Variants in GRID1 observed in about 807,000 individuals in gnomAD.
GRID1 encodes glutamate ionotropic receptor delta type subunit 1, also known as glutamate receptor ionotropic, delta-1.
A neutral mutation model predicts 98.0 loss-of-function variants in GRID1; 28 were observed. That is an observed-to-expected ratio of 0.29 (90% confidence interval 0.21 to 0.39). GRID1 has a LOEUF of 0.39. Ranked by LOEUF, GRID1 falls within the 10% of genes least tolerant of loss-of-function variation. GRID1 has a pLI of 1.00. For synonymous variants in GRID1, 553 were observed against 538.5 expected (o/e 1.03, Z -0.37); for missense variants, 1,111 against 1,340.5 (o/e 0.83, Z 2.67).
chr10:86,305,715 G>T (rs1847750815), intron 2 of GRID1, among the ~76,000 whole-genome samples: 1 of 152,182 alleles, frequency 6.6e-6, no homozygotes, highest in African/African-American at 2.4e-5. Flanking sequence ...TTCCCCTGGG[G>T]CCAGAACAGA....
chr10:85,682,327 A>C (rs954316729), intron 12 of GRID1, among the ~76,000 whole-genome samples: 1 of 152,254 alleles, frequency 6.6e-6, no homozygotes, highest in Admixed American at 6.5e-5. Flanking sequence ...ATTTGTTTGT[A>C]AGACACTTAC....
rs1002271046 is a variant in GRID1 at position 86,115,519 on chromosome 10, C to T, written c.726+23300G>A. 3.3e-5 allele frequency among the ~76,000 whole-genome samples: 5 copies of T among 152,234 alleles called. No homozygotes were observed. The South Asian group carries it at 8.3e-4, about 25-fold the overall frequency. Reference sequence around the variant, plus strand: ...TTAAGTGCTCTACATGTCCTAACTTCTTTAATCTGCCACCTACAAGGTAGG... The same window carrying T: ...TTAAGTGCTCTACATGTCCTAACTTTTTTAATCTGCCACCTACAAGGTAGG... On this transcript the variant is annotated intron_variant, in intron 4 of 15. Coordinates refer to ENST00000327946, the MANE Select transcript of GRID1 (RefSeq NM_017551.3).
intron 3 of GRID1, among the ~76,000 whole-genome samples, chr10:86,190,249 C>G (rs1020263744): frequency 1.3e-5 from 2 of 152,182 alleles, no homozygotes; most frequent in African/African-American, 4.8e-5. Flanking sequence ...TTACTGGCCT[C>G]CATGAAGTAA....
chr10:86,040,053 C>T (rs546315169), intron 4 of GRID1, among the ~76,000 whole-genome samples: 18 of 152,214 alleles, frequency 1.2e-4, no homozygotes, highest in African/African-American at 2.4e-4. Flanking sequence ...GAGTGCCTGC[C>T]GCATTTCAGG....
intron 12 of GRID1, among the ~76,000 whole-genome samples, chr10:85,698,852 T>C (rs1353727218): frequency 6.6e-6 from 1 of 152,200 alleles, no homozygotes; most frequent in Non-Finnish European, 1.5e-5. Flanking sequence ...TTAATAGGTG[T>C]GTAGTGGTAT....
intron 2 of GRID1, among the ~76,000 whole-genome samples, chr10:86,210,231 C>A (rs1482935378): frequency 6.6e-6 from 1 of 152,174 alleles, no homozygotes; most frequent in African/African-American, 2.4e-5. Flanking sequence ...TGCAGAGTGA[C>A]AAAGACATAT....
At chr10:86,043,768 C>T (rs1843381008) in intron 4 of GRID1, among the ~76,000 whole-genome samples, 2 of 152,314 alleles carry the variant, frequency 1.3e-5, no homozygotes, top group South Asian at 4.1e-4. Context: ...ATTTGTTTCC[C>T]AAATGTCAGC....
intron 8 of GRID1, among the ~76,000 whole-genome samples, chr10:85,774,899 A>C (rs1842313490): frequency 6.6e-6 from 1 of 151,520 alleles, no homozygotes; most frequent in African/African-American, 2.4e-5. Flanking sequence ...TAGTTCAACC[A>C]TTGTGGAAGT....
rs570640094 is a variant in GRID1 at position 86,200,603 on chromosome 10, C to T, written c.520+5761G>A. The stretch of plus-strand genomic sequence containing the variant: ...TTTCTGACATTCAGGTAGGAAAGGA[C>T]TTCTTAAACAAGACAAGCAAAAGAG... On this transcript the variant is annotated intron_variant, in intron 3 of 15. Coordinates refer to ENST00000327946, the MANE Select transcript of GRID1 (RefSeq NM_017551.3). 1.8e-3 allele frequency among the ~76,000 whole-genome samples: 269 copies of T among 152,280 alleles called. 1 individual carries two copies. Among genetic ancestry groups the T allele is most frequent in the Middle Eastern group, 6.8e-3 (2 of 294 alleles).
chr10:85,824,893 G>A (rs1842805319), intron 8 of GRID1, among the ~76,000 whole-genome samples: 1 of 152,118 alleles, frequency 6.6e-6, no homozygotes, highest in African/African-American at 2.4e-5. Context: ...TCTCTTTTAT[G>A]GCTCAGTAGT....
At chr10:85,604,955 C>G (rs1048930382) in intron 15 of GRID1, among the ~76,000 whole-genome samples, 1 of 152,140 alleles carries the variant, frequency 6.6e-6, no homozygotes, top group Non-Finnish European at 1.5e-5. Context: ...GGTTACCTAA[C>G]GAAGAGACAG....
In GRID1 at chr10:86,147,496, T is replaced by C. The variant is rs565667498; in HGVS notation, c.521-8472A>G. ...TGGTGCTGGTACAAAAATAGACACA[T>C]AAACCAATGGAACAGAAAAGAGGGC... On this transcript the variant is annotated intron_variant, in intron 3 of 15. Coordinates refer to ENST00000327946, the MANE Select transcript of GRID1 (RefSeq NM_017551.3). 2.0e-5 allele frequency among the ~76,000 whole-genome samples: 3 copies of C among 151,990 alleles called. No individual in the cohort carries two copies. In the South Asian group the frequency reaches 6.2e-4, roughly 32 times the overall value.
intron 3 of GRID1, among the ~76,000 whole-genome samples, chr10:86,173,885 T>C (rs1845532786): frequency 6.6e-6 from 1 of 152,088 alleles, no homozygotes; most frequent in African/African-American, 2.4e-5. Context: ...TTCATCCATG[T>C]CCCTACAAAG....
chr10:86,089,749 A>AT lies in GRID1; in HGVS notation c.726+49069dup, dbSNP rs35775469. On this transcript the variant is annotated intron_variant, in intron 4 of 15. Transcript: ENST00000327946. ...ATAAAGAAGGACCAAACAAAAAAAA[A>AT]TTTTTTTTTTTTTTGAGACGGAGTC... Among the ~76,000 whole-genome samples, 92 of 147,300 alleles carry AT rather than the reference A, an allele frequency of 6.2e-4. 1 individual carries two copies. Among genetic ancestry groups the AT allele is most frequent in the South Asian group, 2.4e-3 (11 of 4,632 alleles).
At chr10:85,779,565 C>T (rs1405187829) in intron 8 of GRID1, among the ~76,000 whole-genome samples, 1 of 151,960 alleles carries the variant, frequency 6.6e-6, no homozygotes, top group East Asian at 1.9e-4. Flanking sequence ...AACTGATCCT[C>T]TCCCGGCCCA....
At position 85,969,982 on chromosome 10, in the gene GRID1, T is replaced by G. The variant is rs141684269; in HGVS notation, c.727-53743A>C. On this transcript the variant is annotated intron_variant, in intron 4 of 15. Transcript: ENST00000327946. Reference sequence around the variant, plus strand: ...ATTAAAAATTATAGAAGATTCAAATTACTAGAATCAGAAATAAAAGAGGGG... The same window carrying G: ...ATTAAAAATTATAGAAGATTCAAATGACTAGAATCAGAAATAAAAGAGGGG... Among the ~76,000 whole-genome samples, 501 of 151,690 alleles carry G rather than the reference T, an allele frequency of 3.3e-3. 2 individuals carry two copies. The highest frequency in any genetic ancestry group is 0.011 in the African/African-American group (476 of 41,404).
At position 86,206,201 on chromosome 10, in the gene GRID1, G is replaced by A. The variant is rs1846022472; in HGVS notation, c.520+163C>T. 6.6e-6 allele frequency among the ~76,000 whole-genome samples: 1 copy of A among 152,160 alleles called. No individual in the cohort carries two copies. Among genetic ancestry groups the A allele is most frequent in the Non-Finnish European group, 1.5e-5 (1 of 68,036 alleles). ...ACCTATCTATGGAGCTGTTGTTGCAGCTCTTCCTGACTCATGAAGCTCGAG... is the reference window on the plus strand; with the variant it reads ...ACCTATCTATGGAGCTGTTGTTGCAACTCTTCCTGACTCATGAAGCTCGAG... On this transcript the variant is annotated intron_variant, in intron 3 of 15. Transcript: ENST00000327946. The surrounding 1 kb of genome is among the most constrained non-coding windows in gnomAD (Gnocchi z 4.1).
chr10:86,317,510 T>C (rs574796566), intron 2 of GRID1, among the ~76,000 whole-genome samples: 1 of 152,248 alleles, frequency 6.6e-6, no homozygotes, highest in African/African-American at 2.4e-5. Flanking sequence ...GGATTCTCCA[T>C]ACTGCCACAT....
At chr10:85,946,808 G>T (rs1842059252) in intron 4 of GRID1, among the ~76,000 whole-genome samples, 3 of 152,198 alleles carry the variant, frequency 2.0e-5, no homozygotes, top group Admixed American at 2.0e-4. Flanking sequence ...GGGCCTCCCA[G>T]AACCCCACCC....
Sources: allele counts gnomAD v4.1 joint callset (sites outside exome capture counted in the v4.1 genomes callset), GRCh38; gene constraint gnomAD v4.1.1; non-coding constraint Gnocchi (gnomAD v3.1); transcripts MANE v1.5; gene names NCBI Gene and HGNC (gene_info 2026-07-23, HGNC 2026-07-21).